Variants in EDIL3 observed in about 807,000 individuals in gnomAD.
EDIL3 encodes the protein EGF like and discoidin domains 3.
A neutral mutation model predicts 67.4 loss-of-function variants in EDIL3; 37 were observed. The ratio of observed to expected loss-of-function variants is 0.55; its 90% confidence interval spans 0.42 to 0.72. The LOEUF is 0.72. Among genes scored for constraint, EDIL3 ranks in the 30% least tolerant of loss-of-function variants. EDIL3 has a pLI of 0.00. For synonymous variants in EDIL3, 195 were observed against 196.3 expected (o/e 0.99, Z 0.05); for missense variants, 527 against 586.3 (o/e 0.90, Z 1.04).
intron 6 of EDIL3, among the ~76,000 whole-genome samples, chr5:84,102,182 CA>C (rs997455960): frequency 1.3e-5 from 2 of 151,746 alleles, no homozygotes; most frequent in African/African-American, 4.8e-5. Flanking sequence ...AATTATGAAT[CA>C]CCTATGATAA....
chr5:84,102,882 A>G (rs1747392764), intron 6 of EDIL3, among the ~76,000 whole-genome samples: 1 of 151,954 alleles, frequency 6.6e-6, no homozygotes, highest in Non-Finnish European at 1.5e-5. Context: ...TACTATCTTA[A>G]AATAGCCAAG....
In EDIL3 at chr5:84,143,564, A is replaced by T. The variant is rs573336260; in HGVS notation, c.356-6210T>A. 3.1e-4 allele frequency among the ~76,000 whole-genome samples: 47 copies of T among 152,192 alleles called. 2 individuals are homozygous for T. In the South Asian group the frequency reaches 5.6e-3, roughly 18 times the overall value. On this transcript the variant is annotated intron_variant, in intron 4 of 10. Transcript: ENST00000296591. Reference sequence around the variant, plus strand: ...TGATACTAGTACGCAGGCAATATTCATCCCAATTATCTGGGTTGTTTATAT... The same window carrying T: ...TGATACTAGTACGCAGGCAATATTCTTCCCAATTATCTGGGTTGTTTATAT...
intron 1 of EDIL3, among the ~76,000 whole-genome samples, chr5:84,288,161 G>A (rs540101169): frequency 1.1e-3 from 163 of 151,980 alleles, no homozygotes; most frequent in African/African-American, 3.7e-3. Context: ...CCAGTGGCTT[G>A]GGCCAAAACC....
At chr5:84,307,648 G>A (rs747079395) in intron 1 of EDIL3, among the ~76,000 whole-genome samples, 5 of 152,086 alleles carry the variant, frequency 3.3e-5, no homozygotes, top group African/African-American at 7.2e-5. Context: ...TCAAGCAAAC[G>A]AACTCTCTCT....
At chr5:84,087,005 T>C (rs773987674) in intron 6 of EDIL3, among the ~76,000 whole-genome samples, 20 of 152,142 alleles carry the variant, frequency 1.3e-4, no homozygotes, top group Admixed American at 7.9e-4. Flanking sequence ...ATGTGACACT[T>C]TTGCTTATAT....
At chr5:84,253,484 C>T (rs1246486691) in intron 2 of EDIL3, among the ~76,000 whole-genome samples, 1 of 152,110 alleles carries the variant, frequency 6.6e-6, no homozygotes, top group Admixed American at 6.6e-5. Flanking sequence ...ACAGAAGTTA[C>T]TCTAAATCCA....
intron 5 of EDIL3, among the ~76,000 whole-genome samples, chr5:84,110,162 C>CT (rs953847789): frequency 2.6e-4 from 40 of 152,074 alleles, no homozygotes; most frequent in African/African-American, 9.4e-4. Flanking sequence ...TTATTGGGGG[C>CT]TTTTTTTGCT....
chr5:84,072,092 G>C (rs1746749774), intron 6 of EDIL3, among the ~76,000 whole-genome samples: 1 of 151,874 alleles, frequency 6.6e-6, no homozygotes, highest in Non-Finnish European at 1.5e-5. Flanking sequence ...AACAATCTCA[G>C]AGATAAAAAA....
chr5:84,382,436 G>A (rs1327990608), intron 1 of EDIL3, among the ~76,000 whole-genome samples: 2 of 151,922 alleles, frequency 1.3e-5, no homozygotes, highest in East Asian at 3.9e-4. Context: ...AGGCAAGCGC[G>A]GCCACATAGG....
chr5:84,291,726 A>ATC (rs1420471602), intron 1 of EDIL3, among the ~76,000 whole-genome samples: 32 of 121,280 alleles, frequency 2.6e-4, no homozygotes, highest in African/African-American at 9.1e-4. Context: ...CTATATATCT[A>ATC]TATAGATCTA....
intron 1 of EDIL3, among the ~76,000 whole-genome samples, chr5:84,308,413 T>C (rs1383208765): frequency 1.3e-5 from 2 of 152,198 alleles, no homozygotes; most frequent in Non-Finnish European, 2.9e-5. Flanking sequence ...GACATGCACA[T>C]ATAAATATTC....
intron 1 of EDIL3, among the ~76,000 whole-genome samples, chr5:84,327,634 T>C (rs2112162189): frequency 6.6e-6 from 1 of 152,086 alleles, no homozygotes; most frequent in African/African-American, 2.4e-5. Context: ...ACAATTAAAG[T>C]TGTGTATTTT....
chr5:84,085,369 G>C (rs187627952), intron 6 of EDIL3, among the ~76,000 whole-genome samples: 4 of 152,082 alleles, frequency 2.6e-5, no homozygotes, highest in Non-Finnish European at 5.9e-5. Context: ...TTTTGTGTGG[G>C]GGTCTTTTTT....
chr5:84,340,319 T>C (rs1453289448), intron 1 of EDIL3, among the ~76,000 whole-genome samples: 2 of 151,774 alleles, frequency 1.3e-5, no homozygotes, highest in African/African-American at 4.8e-5. Flanking sequence ...CTCTGCTACC[T>C]TGAAAAGTTA....
intron 3 of EDIL3, among the ~76,000 whole-genome samples, chr5:84,228,941 C>A (rs1258780417): frequency 6.6e-6 from 1 of 152,128 alleles, no homozygotes; most frequent in African/African-American, 2.4e-5. Context: ...GGAGCCCTTT[C>A]CTGCTCTTGT....
Position 84,064,688 on chromosome 5 carries a change from T to A in EDIL3, c.952+12A>T, listed in dbSNP as rs1351225716. 2 of 1,608,446 alleles carry A rather than the reference T, an allele frequency of 1.2e-6. No individual in the cohort carries two copies. The highest frequency in any genetic ancestry group is 8.5e-7 in the Non-Finnish European group (1 of 1,177,250). On this transcript the variant is annotated intron_variant, in intron 8 of 10. Transcript: ENST00000296591. ...TTAAATAGAATACAGAAATAGTTAA[T>A]TTGAGACTTACCCGACAGTTCACAG...
chr5:84,204,984 C>G (rs1170493948), intron 3 of EDIL3, among the ~76,000 whole-genome samples: 3 of 152,016 alleles, frequency 2.0e-5, no homozygotes, highest in African/African-American at 7.2e-5. Context: ...GCAATCACAG[C>G]TCACCATAGC....
chr5:84,326,535 T>A (rs762120634), intron 1 of EDIL3, among the ~76,000 whole-genome samples: 61 of 152,000 alleles, frequency 4.0e-4, no homozygotes, highest in Non-Finnish European at 7.9e-4. Context: ...AGGATGGTAA[T>A]TTTTATGGTA....
chr5:84,196,854 A>G (rs1743719858), intron 3 of EDIL3: 1 of 152,052 alleles, frequency 6.6e-6, no homozygotes, highest in South Asian at 2.1e-4. Flanking sequence ...ACTAGAAACA[A>G]TACCATGCTT....
Sources: gnomAD v4.1 joint callset for allele counts (sites outside exome capture counted in the v4.1 genomes callset) on GRCh38, gnomAD v4.1.1 for gene constraint, MANE v1.5 for transcripts, NCBI Gene and HGNC (gene_info 2026-07-23, HGNC 2026-07-21) for gene names.